The following BMERB1 variants were observed in gnomAD, a reference collection of about 807,000 sequenced individuals.
BMERB1 encodes the protein bMERB domain containing 1.
In BMERB1, 12 loss-of-function variants were observed where a neutral mutation model predicts 23.6. The observed-to-expected ratio is 0.51, with a 90% CI of 0.33 to 0.82. The LOEUF (loss-of-function observed/expected upper bound fraction) is 0.82, where lower values mean the gene tolerates loss of function less well. BMERB1 is among the 40% of genes least tolerant of loss of function. The pLI is 0.03. For synonymous variants in BMERB1, 122 were observed against 96.6 expected, an observed-to-expected ratio of 1.26 and a Z score of -1.54; for missense variants, 247 against 255.4, an observed-to-expected ratio of 0.97 and a Z score of 0.22.
chr16:15,456,642 G>C (rs1330417964), intron 1 of BMERB1, among the ~76,000 whole-genome samples: 2 of 151,888 alleles, frequency 1.3e-5, no homozygotes, highest in African/African-American at 4.8e-5. Flanking sequence ...AGTATCTTGT[G>C]TTTAATTTGG....
rs998944704 is a variant in BMERB1 at position 15,588,109 on chromosome 16, G to C, written c.*1280G>C. The C allele has an allele frequency of 6.7e-6, 1 of 150,216 alleles. No individual in the cohort carries two copies. Among genetic ancestry groups the C allele is most frequent in the South Asian group, 2.1e-4 (1 of 4,762 alleles). 9.3% of individuals were successfully genotyped at this position (150,216 alleles called of 1,614,324 possible). ...CAACTAGAGACCACTCTGATGTTTC[G>C]ACGTTTTAAAAAAGTCTTTTTTTGT... On this transcript the variant is annotated 3_prime_UTR_variant, in exon 6 of 6. Transcript: ENST00000300006.
intron 3 of BMERB1, among the ~76,000 whole-genome samples, chr16:15,575,161 C>T (rs527624559): frequency 2.0e-3 from 300 of 152,244 alleles, no homozygotes; most frequent in African/African-American, 7.0e-3. Flanking sequence ...GTGACTCCCT[C>T]CAGGCCTCTC....
chr16:15,585,094 G>T (rs1216215220), intron 5 of BMERB1, among the ~76,000 whole-genome samples: 2 of 152,184 alleles, frequency 1.3e-5, no homozygotes, highest in Admixed American at 1.3e-4. Flanking sequence ...TGTGAAAGAT[G>T]GTTGGAGGGA....
chr16:15,521,076 A>G (rs1365190316), intron 2 of BMERB1, among the ~76,000 whole-genome samples: 1 of 152,066 alleles, frequency 6.6e-6, no homozygotes, highest in Non-Finnish European at 1.5e-5. Flanking sequence ...CTTCCCTGCT[A>G]TGTAAACTCC....
At chr16:15,435,809 C>A (rs181874343) in intron 1 of BMERB1, among the ~76,000 whole-genome samples, 1 of 152,306 alleles carries the variant, frequency 6.6e-6, no homozygotes, top group Admixed American at 6.5e-5. Context: ...GAAAATCTTC[C>A]TAGAAGGGCT....
intron 1 of BMERB1, among the ~76,000 whole-genome samples, chr16:15,435,129 G>A (rs961379702): frequency 6.6e-6 from 1 of 152,266 alleles, no homozygotes; most frequent in Non-Finnish European, 1.5e-5. Context: ...GGGCGCTGGA[G>A]ACGCGGGACC....
chr16:15,581,329 A>G lies in BMERB1; in HGVS notation c.417A>G (p.Leu139=). The change falls in exon 4 of 6, where the codon TTA becomes TTG. Residue 139 remains leucine, a splice_region_variant and synonymous_variant. Coordinates refer to ENST00000300006, the MANE Select transcript of BMERB1 (RefSeq NM_033201.3). ...FLVDDAEVER[L]REQEEDKEMA... is the part of the protein sequence containing the mutation. ...TGGACGATGCGGAGGTCGAGCGGTT[A>G]AGGTGAGTGCACTGCGGGTACCCGA... 2 of 1,613,348 alleles carry G rather than the reference A, an allele frequency of 1.2e-6. No homozygotes were observed. The highest frequency in any genetic ancestry group is 1.7e-6 in the Non-Finnish European group (2 of 1,179,542).
At chr16:15,563,245 T>G (rs1003892543) in intron 2 of BMERB1, among the ~76,000 whole-genome samples, 13 of 152,080 alleles carry the variant, frequency 8.5e-5, no homozygotes, top group South Asian at 2.1e-4. Flanking sequence ...AATTTTTTTT[T>G]GGGACGGAGA....
intron 3 of BMERB1, among the ~76,000 whole-genome samples, chr16:15,568,363 C>T (rs968996398): frequency 3.3e-5 from 5 of 152,186 alleles, no homozygotes; most frequent in Non-Finnish European, 7.4e-5. Context: ...AGAGGCTGGG[C>T]ACGGTGGCTA....
At chr16:15,536,279 C>T (rs1355264590) in intron 2 of BMERB1, among the ~76,000 whole-genome samples, 3 of 152,062 alleles carry the variant, frequency 2.0e-5, no homozygotes, top group Non-Finnish European at 2.9e-5. Context: ...TCTTCCTGAC[C>T]GCTGGGCCTG....
intron 1 of BMERB1, among the ~76,000 whole-genome samples, chr16:15,477,805 A>G (rs1242884810): frequency 6.6e-6 from 1 of 151,930 alleles, no homozygotes; most frequent in South Asian, 2.1e-4. Context: ...ACAATAAGAA[A>G]ACTCAGGCTG....
At position 15,586,762 on chromosome 16, in the gene BMERB1, C is replaced by T. The variant is rs373862409; in HGVS notation, c.548C>T (p.Thr183Met). ...GCAGAGCCCCCACCTAGCAAGCCCA[C>T]GGTGGCCAAGACGGGGCTGGCACTG... ...KKAEPPPSKP[T>M]VAKTGLALIK... The change falls in exon 6 of 6, where the codon ACG becomes ATG. Residue 183 changes from threonine (T) to methionine (M), a missense_variant. By Grantham distance (81) the Thr-to-Met change is moderately conservative. Coordinates refer to ENST00000300006, the MANE Select transcript of BMERB1 (RefSeq NM_033201.3). 3.0e-5 allele frequency: 48 copies of T among 1,612,400 alleles called. No individual in the cohort carries two copies. Among genetic ancestry groups the T allele is most frequent in the Middle Eastern group, 1.6e-4 (1 of 6,076 alleles).
At chr16:15,479,892 G>C (rs1325543857) in intron 1 of BMERB1, among the ~76,000 whole-genome samples, 3 of 151,298 alleles carry the variant, frequency 2.0e-5, no homozygotes, top group African/African-American at 7.3e-5. Flanking sequence ...AATGAAGTGA[G>C]CCATTATCAT....
intron 1 of BMERB1, among the ~76,000 whole-genome samples, chr16:15,489,426 T>A (rs923694682): frequency 1.3e-5 from 2 of 152,128 alleles, no homozygotes; most frequent in Non-Finnish European, 2.9e-5. Context: ...GTTCCTCCCA[T>A]TGGCAAAATT....
intron 1 of BMERB1, among the ~76,000 whole-genome samples, chr16:15,475,912 C>T (rs774945600): frequency 2.6e-5 from 4 of 152,156 alleles, no homozygotes; most frequent in African/African-American, 4.8e-5. Flanking sequence ...GGGGCTCAGT[C>T]ATGTAGACCT....
At chr16:15,460,072 G>A (rs2051121837) in intron 1 of BMERB1, among the ~76,000 whole-genome samples, 1 of 151,972 alleles carries the variant, frequency 6.6e-6, no homozygotes, top group South Asian at 2.1e-4. Context: ...TTCTACTGTT[G>A]GATGGAAAGA....
At position 15,434,942 on chromosome 16, in the gene BMERB1, G is replaced by T. The variant is rs367708384; in HGVS notation, c.106+183G>T. 2.1e-4 allele frequency among the ~76,000 whole-genome samples: 32 copies of T among 152,358 alleles called. No homozygotes were observed. The South Asian group carries it at 3.5e-3, about 17-fold the overall frequency. On this transcript the variant is annotated intron_variant, in intron 1 of 5. Coordinates refer to ENST00000300006, the MANE Select transcript of BMERB1 (RefSeq NM_033201.3). ...GACGCGCTCTCCCCGCGAACAAAAG[G>T]GGGGGACCCTCCGGGCTGAGCCTCA...
intron 2 of BMERB1, among the ~76,000 whole-genome samples, chr16:15,564,200 A>G (rs1414759019): frequency 6.6e-6 from 1 of 152,256 alleles, no homozygotes; most frequent in Non-Finnish European, 1.5e-5. Context: ...TCATTAAAGA[A>G]CAGCTTTTCT....
intron 1 of BMERB1, among the ~76,000 whole-genome samples, chr16:15,461,020 G>A (rs577391570): frequency 6.6e-6 from 1 of 152,016 alleles, no homozygotes; most frequent in Admixed American, 6.6e-5. Context: ...AGCTACTCGG[G>A]AGGCTGAGGC....
Sources: allele counts gnomAD v4.1 joint callset (sites outside exome capture counted in the v4.1 genomes callset), GRCh38; gene constraint gnomAD v4.1.1; transcripts MANE v1.5; gene names NCBI Gene and HGNC (gene_info 2026-07-23, HGNC 2026-07-21).